Variants in CCSER1 observed in about 807,000 individuals in gnomAD.
CCSER1 encodes serine-rich coiled-coil domain-containing protein 1.
Under a neutral mutation model 82.0 loss-of-function variants are expected in CCSER1, and 41 were observed. That is an observed-to-expected ratio of 0.50 (90% CI 0.39 to 0.65). CCSER1 has a LOEUF of 0.65. CCSER1 is among the 30% of genes least tolerant of loss of function. The pLI, the probability that CCSER1 is intolerant of heterozygous loss-of-function variation, is 0.00. For missense variants in CCSER1, 1,119 were observed against 1,064.2 expected (o/e 1.05, Z -0.72); for synonymous variants, 414 against 383.9 (o/e 1.08, Z -0.92).
chr4:90,946,485 G>A (rs1170572269), intron 9 of CCSER1, among the ~76,000 whole-genome samples: 2 of 152,024 alleles, frequency 1.3e-5, no homozygotes, highest in African/African-American at 4.8e-5. Context: ...ACGAAAATTA[G>A]CCAGGCGTGG....
At chr4:90,796,339 T>C (rs746544620) in intron 7 of CCSER1, among the ~76,000 whole-genome samples, 1 of 151,758 alleles carries the variant, frequency 6.6e-6, no homozygotes, top group Admixed American at 6.6e-5. Context: ...GGTAATACCT[T>C]CTTTGTTGTT....
At chr4:91,168,192 G>A (rs1166635867) in intron 10 of CCSER1, among the ~76,000 whole-genome samples, 1 of 145,702 alleles carries the variant, frequency 6.9e-6, no homozygotes, top group Admixed American at 6.8e-5. Flanking sequence ...CGTCTGGGAA[G>A]TGAGTAGCGC....
intron 10 of CCSER1, among the ~76,000 whole-genome samples, chr4:91,128,149 A>G (rs1727675122): frequency 6.6e-6 from 1 of 151,894 alleles, no homozygotes; most frequent in Non-Finnish European, 1.5e-5. Flanking sequence ...GTTACTTTCC[A>G]CTTAAATCTG....
At chr4:90,202,795 A>T (rs1294755341) in intron 1 of CCSER1, among the ~76,000 whole-genome samples, 5 of 152,232 alleles carry the variant, frequency 3.3e-5, no homozygotes, top group Non-Finnish European at 5.9e-5. Context: ...ATTCACTGAA[A>T]TTACTACCTT....
chr4:90,761,480 T>C (rs1180174534), intron 7 of CCSER1, among the ~76,000 whole-genome samples: 1 of 152,130 alleles, frequency 6.6e-6, no homozygotes, highest in African/African-American at 2.4e-5. Context: ...AAAATACAGG[T>C]TTGCTCCCAC....
At chr4:90,945,468 A>G (rs942157167) in intron 9 of CCSER1, among the ~76,000 whole-genome samples, 3 of 152,122 alleles carry the variant, frequency 2.0e-5, no homozygotes, top group African/African-American at 7.2e-5. Flanking sequence ...GTTTTATTTA[A>G]TGAGTTATAA....
chr4:90,228,312 A>G (rs982281571), intron 1 of CCSER1, among the ~76,000 whole-genome samples: 33 of 152,042 alleles, frequency 2.2e-4, no homozygotes, highest in African/African-American at 7.7e-4. Flanking sequence ...TGGGTCCCTG[A>G]CCCCTGACCC....
intron 3 of CCSER1, among the ~76,000 whole-genome samples, chr4:90,368,370 T>G (rs1208771511): frequency 1.3e-5 from 2 of 151,934 alleles, no homozygotes; most frequent in African/African-American, 4.8e-5. Flanking sequence ...GCATGGTGGC[T>G]CATGCCTGTA....
At chr4:91,286,270 A>T (rs1743267731) in intron 10 of CCSER1, among the ~76,000 whole-genome samples, 1 of 151,830 alleles carries the variant, frequency 6.6e-6, no homozygotes, top group African/African-American at 2.4e-5. Flanking sequence ...TAACAGGCCC[A>T]CACAAATATG....
chr4:90,809,681 G>T (rs1316207287), intron 7 of CCSER1, among the ~76,000 whole-genome samples: 1 of 151,394 alleles, frequency 6.6e-6, no homozygotes, highest in Non-Finnish European at 1.5e-5. Context: ...TAAAGCTATA[G>T]AAATAATAAT....
At chr4:90,488,487 G>A (rs1012068852) in intron 5 of CCSER1, among the ~76,000 whole-genome samples, 1 of 151,938 alleles carries the variant, frequency 6.6e-6, no homozygotes, top group African/African-American at 2.4e-5. Flanking sequence ...TGCACCAGGC[G>A]ACGTCCTCTC....
At chr4:91,018,123 A>G (rs1739600851) in intron 9 of CCSER1, among the ~76,000 whole-genome samples, 1 of 152,078 alleles carries the variant, frequency 6.6e-6, no homozygotes, top group African/African-American at 2.4e-5. Context: ...CTCACTCATG[A>G]GCATGTTTTT....
intron 10 of CCSER1, among the ~76,000 whole-genome samples, chr4:91,504,690 ATTC>A (rs1194035641): frequency 1.4e-5 from 2 of 147,716 alleles, no homozygotes; most frequent in Non-Finnish European, 3.0e-5. Flanking sequence ...CAAAAGTCAG[ATTC>A]TTATGTTTCT....
At position 91,156,321 on chromosome 4, in the gene CCSER1, C is replaced by T. The variant is rs115075538; in HGVS notation, c.2217+70327C>T. Among the ~76,000 whole-genome samples, 912 of 151,706 alleles carry T rather than the reference C, an allele frequency of 6.0e-3. 13 individuals carry two copies. The highest frequency in any genetic ancestry group is 0.021 in the African/African-American group (853 of 41,458). On this transcript the variant is annotated intron_variant, in intron 10 of 10. Transcript: ENST00000509176. ...CAACCATTAGATGCTTATTTCTACT[C>T]CACAAAATCACTATTACACCATCAT...
intron 10 of CCSER1, among the ~76,000 whole-genome samples, chr4:91,303,731 GT>G (rs1744841231): frequency 6.6e-6 from 1 of 151,960 alleles, no homozygotes; most frequent in South Asian, 2.1e-4. Flanking sequence ...GGAGGTCAAG[GT>G]TGCAGTGAGC....
At chr4:91,216,196 CTGCCTCCTCCA>C (rs1737224127) in intron 10 of CCSER1, among the ~76,000 whole-genome samples, 3 of 152,324 alleles carry the variant, frequency 2.0e-5, no homozygotes, top group Admixed American at 2.0e-4. Flanking sequence ...CCTCCCATAC[CTGCCTCCTCCA>C]GGCCTGCCTC....
intron 10 of CCSER1, among the ~76,000 whole-genome samples, chr4:91,518,764 A>G (rs1056647549): frequency 6.6e-6 from 1 of 152,192 alleles, no homozygotes; most frequent in Non-Finnish European, 1.5e-5. Context: ...TGGCAGTGGC[A>G]GAAGGGTTGT....
intron 4 of CCSER1, among the ~76,000 whole-genome samples, chr4:90,412,077 A>G (rs1017959458): frequency 5.9e-5 from 9 of 152,020 alleles, no homozygotes; most frequent in African/African-American, 1.7e-4. Context: ...ATGTCCAACA[A>G]TGATAGACTG....
intron 5 of CCSER1, among the ~76,000 whole-genome samples, chr4:90,545,737 T>G (rs1776678096): frequency 6.6e-6 from 1 of 152,166 alleles, no homozygotes; most frequent in South Asian, 2.1e-4. Context: ...CCTTGATATC[T>G]CATAGTAAAC....
Sources: allele counts gnomAD v4.1 joint callset (sites outside exome capture counted in the v4.1 genomes callset), GRCh38; gene constraint gnomAD v4.1.1; transcripts MANE v1.5; gene names NCBI Gene and HGNC (gene_info 2026-07-23, HGNC 2026-07-21).